TRMT11: variants seen among roughly 807,000 people sequenced by gnomAD.
TRMT11 encodes tRNA methyltransferase 11.
Under a neutral mutation model 62.8 loss-of-function variants are expected in TRMT11, and 53 were observed. That is an observed-to-expected ratio of 0.84 (90% confidence interval 0.68 to 1.06). The LOEUF is 1.06. Ranked by LOEUF, TRMT11 falls within the 50% of genes least tolerant of loss-of-function variation. The pLI, the probability that TRMT11 is intolerant of heterozygous loss-of-function variation, is 0.00. For synonymous variants in TRMT11, 188 were observed against 190.3 expected, an observed-to-expected ratio of 0.99 and a Z score of 0.10; for missense variants, 556 against 553.4, an observed-to-expected ratio of 1.00 and a Z score of -0.05.
intron 21 of TRMT11, among the ~76,000 whole-genome samples, chr6:126,126,250 C>T (rs949088683): frequency 6.6e-6 from 1 of 152,028 alleles, no homozygotes; most frequent in Non-Finnish European, 1.5e-5. Context: ...ATATTTTTCC[C>T]AGATATTATA....
chr6:126,232,920 T>G, the TRMT11 span, among the ~76,000 whole-genome samples: 1 of 152,232 alleles, frequency 6.6e-6, no homozygotes, highest in African/African-American at 2.4e-5. Flanking sequence ...AAATCCACAT[T>G]AAATGTTTCA....
chr6:126,071,655 C>CTTTTT (rs373236248), intron 17 of TRMT11, among the ~76,000 whole-genome samples: 9 of 133,222 alleles, frequency 6.8e-5, no homozygotes, highest in Admixed American at 7.6e-5. Context: ...GTTTGCTTTG[C>CTTTTT]TTTTTTTTTT....
chr6:126,160,542 T>C (rs139545871), intron 21 of TRMT11, among the ~76,000 whole-genome samples: 6 of 152,332 alleles, frequency 3.9e-5, no homozygotes, highest in African/African-American at 1.4e-4. Flanking sequence ...GACTTCATGC[T>C]GAAGCATTGT....
intron 21 of TRMT11, among the ~76,000 whole-genome samples, chr6:126,162,570 T>A (rs1480813622): frequency 6.6e-6 from 1 of 152,212 alleles, no homozygotes; most frequent in African/African-American, 2.4e-5. Flanking sequence ...CATATAAAAT[T>A]TAAAGAAGTT....
chr6:126,084,819 A>C (rs1161651909), intron 17 of TRMT11, among the ~76,000 whole-genome samples: 1 of 152,172 alleles, frequency 6.6e-6, no homozygotes, highest in Non-Finnish European at 1.5e-5. Context: ...ATTGTGCTAA[A>C]TGCAACAAGC....
At chr6:126,045,301 G>C (rs1776017246) in intron 16 of TRMT11, among the ~76,000 whole-genome samples, 1 of 152,092 alleles carries the variant, frequency 6.6e-6, no homozygotes, top group African/African-American at 2.4e-5. Context: ...GAATATGTCA[G>C]GCGCTTGCAA....
At chr6:126,069,094 A>C (rs1360257406) in intron 17 of TRMT11, among the ~76,000 whole-genome samples, 1 of 152,234 alleles carries the variant, frequency 6.6e-6, no homozygotes, top group Non-Finnish European at 1.5e-5. Flanking sequence ...GAAGCCCCAA[A>C]CAATACCAAG....
the TRMT11 span, among the ~76,000 whole-genome samples, chr6:126,229,524 T>G: frequency 2.6e-5 from 4 of 152,228 alleles, no homozygotes; most frequent in Non-Finnish European, 5.9e-5. Flanking sequence ...AAGAAATGTA[T>G]CCTGCCTTTA....
downstream of TRMT11, among the ~76,000 whole-genome samples, chr6:126,204,389 C>G (rs913021621): frequency 6.6e-6 from 1 of 152,196 alleles, no homozygotes; most frequent in Non-Finnish European, 1.5e-5. Context: ...ACCGGATTCT[C>G]TGCCGTTAGG....
intron 21 of TRMT11, among the ~76,000 whole-genome samples, chr6:126,161,513 G>A (rs1778189905): frequency 6.6e-6 from 1 of 152,166 alleles, no homozygotes; most frequent in South Asian, 2.1e-4. Context: ...TCAAGTCTTT[G>A]CTATTGTGAA....
chr6:126,005,180 C>T (rs1364834588), intron 7 of TRMT11, among the ~76,000 whole-genome samples: 1 of 152,070 alleles, frequency 6.6e-6, no homozygotes. Flanking sequence ...GCATATATAA[C>T]ACTCTTATTA....
the TRMT11 span, among the ~76,000 whole-genome samples, chr6:126,248,796 T>C: frequency 2.6e-5 from 4 of 152,248 alleles, no homozygotes; most frequent in East Asian, 7.7e-4. Context: ...TTACAAACAG[T>C]AGCAATAAGT....
intron 12 of TRMT11, among the ~76,000 whole-genome samples, chr6:126,023,542 G>T (rs1255923440): frequency 6.6e-6 from 1 of 152,132 alleles, no homozygotes; most frequent in Non-Finnish European, 1.5e-5. Flanking sequence ...CAGTGACTTG[G>T]GGGGCTGAGG....
chr6:125,997,561 G>A (rs1791732327), intron 3 of TRMT11, among the ~76,000 whole-genome samples: 2 of 152,264 alleles, frequency 1.3e-5, no homozygotes, highest in South Asian at 4.1e-4. Flanking sequence ...ATGCTGGAGT[G>A]CGGTGACATG....
chr6:126,224,726 TGGCA>T, the TRMT11 span, among the ~76,000 whole-genome samples: 104 of 152,336 alleles, frequency 6.8e-4, no homozygotes, highest in Non-Finnish European at 1.0e-3. Flanking sequence ...ACGCTTGTGC[TGGCA>T]GTGAAAGAAT....
At position 126,151,806 on chromosome 6, in the gene TRMT11, T is replaced by TTTTCTC. The variant is rs1554242199; in HGVS notation, c.*1824-23014_*1824-23013insCTTTCT. ...TTTCCTTCCTTCCTTCCTCTCTGTC[T>TTTTCTC]TTTCTTTCTTTCTTTCTTTCTTTCT... On this transcript the variant is annotated intron_variant and NMD_transcript_variant, in intron 21 of 22. Transcript: ENST00000648977. Among the ~76,000 whole-genome samples the TTTTCTC allele has an allele frequency of 1.0e-4, 9 of 86,954 alleles. No homozygotes were observed. In the East Asian group the frequency reaches 1.1e-3, roughly 10 times the overall value. The allele number at this position is 86,954 out of a possible 152,430, so 57.0% of individuals were successfully genotyped here. A position where few individuals can be genotyped will look rare whatever the true frequency, so the allele number is the denominator to read the frequency against.
upstream of TRMT11, among the ~76,000 whole-genome samples, chr6:126,176,866 C>T (rs1315946559): frequency 6.6e-6 from 1 of 152,108 alleles, no homozygotes; most frequent in Non-Finnish European, 1.5e-5. Context: ...ACAGTGTTCA[C>T]TTGCCCAACA....
At chr6:126,101,733 A>G (rs1777404299) in intron 17 of TRMT11, among the ~76,000 whole-genome samples, 1 of 152,230 alleles carries the variant, frequency 6.6e-6, no homozygotes, top group Non-Finnish European at 1.5e-5. Context: ...CCGCATTTCC[A>G]GTTCTCTTTT....
At chr6:126,082,174 G>T (rs560753347) in intron 17 of TRMT11, among the ~76,000 whole-genome samples, 41 of 152,128 alleles carry the variant, frequency 2.7e-4, no homozygotes, top group South Asian at 1.2e-3. Flanking sequence ...TTTAGAGACG[G>T]TCTTGCATAT....
Sources: gnomAD v4.1 joint callset for allele counts (sites outside exome capture counted in the v4.1 genomes callset) on GRCh38, gnomAD v4.1.1 for gene constraint, MANE v1.5 for transcripts, NCBI Gene and HGNC (gene_info 2026-07-23, HGNC 2026-07-21) for gene names.